RNLS: variants seen among roughly 807,000 people sequenced by gnomAD.
RNLS encodes renalase.
Under a neutral mutation model 39.8 loss-of-function variants are expected in RNLS, and 39 were observed. That is an observed-to-expected ratio of 0.98 (90% CI 0.76 to 1.28). The LOEUF (loss-of-function observed/expected upper bound fraction) is 1.28, where lower values mean the gene tolerates loss of function less well. Among genes scored for constraint, RNLS ranks in the 50% most tolerant of loss-of-function variants. The pLI is 0.00. For missense variants in RNLS, 410 were observed against 413.3 expected (o/e 0.99, Z 0.07); for synonymous variants, 147 against 150.7 (o/e 0.98, Z 0.18).
chr10:88,259,977 T>C, the RNLS span, among the ~76,000 whole-genome samples: 1 of 152,126 alleles, frequency 6.6e-6, no homozygotes, highest in African/African-American at 2.4e-5. Context: ...CTTGACCTCG[T>C]GATCCGCCCG....
intron 4 of RNLS, among the ~76,000 whole-genome samples, chr10:88,366,267 T>C (rs905519698): frequency 3.3e-5 from 5 of 152,050 alleles, no homozygotes; most frequent in African/African-American, 1.2e-4. Context: ...AAGCTACTAC[T>C]CGTTATGAGC....
intron 4 of RNLS, among the ~76,000 whole-genome samples, chr10:88,439,216 T>G (rs754393183): frequency 4.6e-5 from 7 of 152,244 alleles, no homozygotes; most frequent in Non-Finnish European, 8.8e-5. Context: ...TGTGGCTGCT[T>G]TAAATAAATC....
At chr10:88,293,038 A>C (rs1202974243) in intron 6 of RNLS, among the ~76,000 whole-genome samples, 1 of 151,886 alleles carries the variant, frequency 6.6e-6, no homozygotes, top group Non-Finnish European at 1.5e-5. Flanking sequence ...ACAGAGTGAG[A>C]CTCTGTCTCA....
At chr10:88,204,711 A>C in the RNLS span, among the ~76,000 whole-genome samples, 1 of 152,170 alleles carries the variant, frequency 6.6e-6, no homozygotes, top group African/African-American at 2.4e-5. Context: ...CCAGCTAGTG[A>C]GTAACAAGGT....
At chr10:88,529,329 T>C (rs1240106162) in intron 4 of RNLS, among the ~76,000 whole-genome samples, 1 of 152,198 alleles carries the variant, frequency 6.6e-6, no homozygotes, top group Non-Finnish European at 1.5e-5. Context: ...TATGTGGTTT[T>C]CTAGTGCTGC....
chr10:88,332,855 A>G (rs2133172422), intron 5 of RNLS, among the ~76,000 whole-genome samples: 1 of 152,326 alleles, frequency 6.6e-6, no homozygotes, highest in South Asian at 2.1e-4. Context: ...TTCCTAGGAA[A>G]CTATGATGTA....
intron 4 of RNLS, among the ~76,000 whole-genome samples, chr10:88,548,291 A>C: frequency 7.4e-6 from 1 of 135,888 alleles, no homozygotes; most frequent in Admixed American, 7.4e-5. Context: ...AAAAAAAAAA[A>C]AAGAAAAGAA....
rs572915546 is a variant in RNLS at position 88,510,100 on chromosome 10, T to G, written c.526+62803A>C. On this transcript the variant is annotated intron_variant, in intron 4 of 6. Transcript: ENST00000331772. ...AGAAAATAATTTAGGATTAGAAGTCTCAACCATTTCACACTTCATGGAAGT... is the reference window on the plus strand; with the variant it reads ...AGAAAATAATTTAGGATTAGAAGTCGCAACCATTTCACACTTCATGGAAGT... Among the ~76,000 whole-genome samples the G allele has an allele frequency of 1.1e-4, 17 of 152,280 alleles. No individual in the cohort carries two copies. The South Asian group carries it at 1.7e-3, about 15-fold the overall frequency.
chr10:88,227,745 A>G, the RNLS span, among the ~76,000 whole-genome samples: 1 of 152,228 alleles, frequency 6.6e-6, no homozygotes, highest in African/African-American at 2.4e-5. Flanking sequence ...AGAGAATGAA[A>G]TGCAGTTTAT....
chr10:88,286,598 A>G lies in RNLS; in HGVS notation c.877-1092T>C, dbSNP rs144972579. On this transcript the variant is annotated intron_variant, in intron 6 of 6. Coordinates refer to ENST00000331772, the MANE Select transcript of RNLS (RefSeq NM_001031709.3). ...TCACTGTACAACTTCAGGGGGCTCCATTCACCTGGATGACAATATGACAGT... is the reference window on the plus strand; with the variant it reads ...TCACTGTACAACTTCAGGGGGCTCCGTTCACCTGGATGACAATATGACAGT... Among the ~76,000 whole-genome samples, 934 of 152,180 alleles carry G rather than the reference A, an allele frequency of 6.1e-3. 5 individuals carry two copies. Among genetic ancestry groups the G allele is most frequent in the African/African-American group, 0.021 (883 of 41,530 alleles).
chr10:88,447,605 T>G (rs1842118528), intron 4 of RNLS, among the ~76,000 whole-genome samples: 1 of 152,194 alleles, frequency 6.6e-6, no homozygotes, highest in African/African-American at 2.4e-5. Context: ...ATAGACTCAA[T>G]GCCATCCCCA....
intron 4 of RNLS, among the ~76,000 whole-genome samples, chr10:88,491,001 G>A (rs1038035873): frequency 9.9e-5 from 15 of 152,166 alleles, no homozygotes; most frequent in Middle Eastern, 3.4e-3. Context: ...TAAGAGCCAC[G>A]CCATGTTAAT....
intron 4 of RNLS, among the ~76,000 whole-genome samples, chr10:88,449,563 G>C (rs1479730475): frequency 6.6e-6 from 1 of 152,062 alleles, no homozygotes; most frequent in African/African-American, 2.4e-5. Flanking sequence ...CTCATGAAGG[G>C]CAAGGACTCT....
chr10:88,195,444 A>C, the RNLS span, among the ~76,000 whole-genome samples: 1 of 152,062 alleles, frequency 6.6e-6, no homozygotes, highest in African/African-American at 2.4e-5. Flanking sequence ...GCTACCCTCC[A>C]TTGCCTGGCA....
chr10:88,487,282 C>A (rs1844586878), intron 4 of RNLS, among the ~76,000 whole-genome samples: 1 of 151,864 alleles, frequency 6.6e-6, no homozygotes, highest in South Asian at 2.1e-4. Context: ...GCTGAAATAA[C>A]CTGTACAATA....
At chr10:88,187,480 C>T in the RNLS span, among the ~76,000 whole-genome samples, 1 of 151,986 alleles carries the variant, frequency 6.6e-6, no homozygotes, top group East Asian at 1.9e-4. Context: ...ATCTCTCAGC[C>T]CCTTGGCAGG....
chr10:88,172,842 GTTTTTTTTTTTTTTTTTTTT>G, the RNLS span, among the ~76,000 whole-genome samples: 15 of 43,776 alleles, frequency 3.4e-4, no homozygotes, highest in South Asian at 5.3e-3. Context: ...ATTTTGAGTT[GTTTTTTTTTTTTTTTTTTTT>G]TTTTTTTTTT....
At chr10:88,439,484 A>G (rs1042031787) in intron 4 of RNLS, among the ~76,000 whole-genome samples, 6 of 152,230 alleles carry the variant, frequency 3.9e-5, no homozygotes, top group African/African-American at 1.4e-4. Context: ...TTTGTGAGTT[A>G]GGGTGGTTTT....
chr10:88,492,873 A>G (rs921910626), intron 4 of RNLS, among the ~76,000 whole-genome samples: 2 of 152,156 alleles, frequency 1.3e-5, no homozygotes, highest in African/African-American at 4.8e-5. Flanking sequence ...ACTTAGAGAC[A>G]TGATATGTTT....
Sources: gnomAD v4.1 joint callset for allele counts (sites outside exome capture counted in the v4.1 genomes callset) on GRCh38, gnomAD v4.1.1 for gene constraint, MANE v1.5 for transcripts, NCBI Gene and HGNC (gene_info 2026-07-23, HGNC 2026-07-21) for gene names.